Variants in SERINC5 observed in about 807,000 individuals in gnomAD.
SERINC5 encodes the protein chromosome 5 open reading frame 12.
A neutral mutation model predicts 63.1 loss-of-function variants in SERINC5; 41 were observed. That is an observed-to-expected ratio of 0.65 (90% CI 0.51 to 0.84). The LOEUF is 0.84. Ranked by LOEUF, SERINC5 falls within the 40% of genes least tolerant of loss-of-function variation. The pLI is 0.00. For synonymous variants in SERINC5, 222 were observed against 215.2 expected (o/e 1.03, Z -0.28); for missense variants, 523 against 573.0 (o/e 0.91, Z 0.89).
At chr5:80,235,846 C>A (rs1751663466) in intron 1 of SERINC5, among the ~76,000 whole-genome samples, 1 of 151,836 alleles carries the variant, frequency 6.6e-6, no homozygotes, top group Admixed American at 6.6e-5. Flanking sequence ...TGATCCCTAA[C>A]CTTTTAAATT....
In SERINC5 at chr5:80,229,907, C is replaced by T. The variant is rs955802784; in HGVS notation, c.27+25989G>A. On this transcript the variant is annotated intron_variant, in intron 1 of 11. Transcript: ENST00000507668. ...GAGAATGTTTTCAAGGCACTTAGAA[C>T]GTTAATTGTCAATATTATTCTCAGT... Among the ~76,000 whole-genome samples the T allele has an allele frequency of 5.3e-5, 8 of 152,148 alleles. No individual in the cohort carries two copies. In the South Asian group the frequency reaches 6.2e-4, roughly 12 times the overall value.
At chr5:80,162,965 G>A (rs763967489) in intron 7 of SERINC5, among the ~76,000 whole-genome samples, 27 of 151,748 alleles carry the variant, frequency 1.8e-4, no homozygotes, top group Non-Finnish European at 3.1e-4. Context: ...TGATTCTCCT[G>A]TCTCAGCCTC....
At chr5:80,169,667 G>A in intron 5 of SERINC5, 121 bp from the exon 6 acceptor site, 1 of 691,426 alleles carries the variant, frequency 1.4e-6, no homozygotes, top group Non-Finnish European at 2.5e-6. Context: ...CACAGGCACT[G>A]GTACCCAGCT....
chr5:80,159,975 A>G (rs57664241), intron 7 of SERINC5, among the ~76,000 whole-genome samples: 2,166 of 152,284 alleles, frequency 0.014, 57 homozygotes, highest in African/African-American at 0.05. Context: ...AAAGATAAGT[A>G]TTTCCTGAGA....
chr5:80,178,480 A>G lies in SERINC5; in HGVS notation c.196-416T>C, dbSNP rs567339365. ...CAGGCTCAGGTAATCTTCCTGCCTCAGCCTCCCAATTAGCTGGGACTACAG... is the reference window on the plus strand; with the variant it reads ...CAGGCTCAGGTAATCTTCCTGCCTCGGCCTCCCAATTAGCTGGGACTACAG... On this transcript the variant is annotated intron_variant, in intron 2 of 11. Transcript: ENST00000507668. Among the ~76,000 whole-genome samples, 36 of 148,642 alleles carry G rather than the reference A, an allele frequency of 2.4e-4. No homozygotes were observed. The South Asian group carries it at 2.8e-3, about 12-fold the overall frequency.
At chr5:80,198,677 A>C (rs1288799321) in intron 2 of SERINC5, 1 of 985,174 alleles carries the variant, frequency 1.0e-6, no homozygotes, top group Non-Finnish European at 1.2e-6. Context: ...CTACAAGGGG[A>C]CCTTTCAACA....
intron 2 of SERINC5, among the ~76,000 whole-genome samples, chr5:80,190,578 G>A (rs893589086): frequency 6.6e-6 from 1 of 152,170 alleles, no homozygotes; most frequent in Non-Finnish European, 1.5e-5. Flanking sequence ...GAATAAAACA[G>A]TTTAAAAGTT....
chr5:80,137,224 T>A (rs1037119224), downstream of SERINC5, among the ~76,000 whole-genome samples: 3 of 148,936 alleles, frequency 2.0e-5, no homozygotes, highest in South Asian at 6.4e-4. Flanking sequence ...ATCCCACTAA[T>A]GGGTATATAC....
Position 80,177,896 on chromosome 5 carries a change from T to C in SERINC5, c.364A>G (p.Ile122Val), listed in dbSNP as rs748353184. The change falls in exon 3 of 12, where the codon ATT becomes GTT. Residue 122 changes from isoleucine to valine, a missense_variant. Transcript: ENST00000507668. Reference protein sequence around the residue: ...INNSKSCRAHIHNGFWFFKLL... With the variant: ...INNSKSCRAHVHNGFWFFKLL... ...GACTAAAATACTTACCCATTGTGAA[T>C]ATGAGCTCTACAACTTTTGCTGTTG... is the stretch of plus-strand genomic sequence containing the variant. 1.9e-6 allele frequency: 3 copies of C among 1,608,670 alleles called. No homozygotes were observed. Among genetic ancestry groups the C allele is most frequent in the African/African-American group, 2.7e-5 (2 of 74,574 alleles).
At chr5:80,205,099 T>C (rs34001704) in intron 1 of SERINC5, among the ~76,000 whole-genome samples, 16,855 of 152,234 alleles carry the variant, frequency 0.11, 968 homozygotes, top group Middle Eastern at 0.14. Context: ...CACATGCCCG[T>C]GTCTGCACTG....
intron 1 of SERINC5, among the ~76,000 whole-genome samples, chr5:80,212,665 T>A (rs56252758): frequency 2.0e-5 from 1 of 50,200 alleles, no homozygotes; most frequent in Non-Finnish European, 4.0e-5. Flanking sequence ...AGTGGTGGGG[T>A]GGGGGGGGGG....
intron 1 of SERINC5, among the ~76,000 whole-genome samples, chr5:80,250,726 G>A (rs1039441009): frequency 2.6e-5 from 4 of 152,116 alleles, no homozygotes; most frequent in African/African-American, 2.4e-5. Flanking sequence ...TGCATTATAG[G>A]GGCATCAGTT....
chr5:80,121,475 T>A (rs928035497), intron 11 of SERINC5, among the ~76,000 whole-genome samples: 5 of 152,070 alleles, frequency 3.3e-5, no homozygotes, highest in African/African-American at 1.2e-4. Flanking sequence ...GCGTGAGGCA[T>A]CCACCCCCAT....
intron 1 of SERINC5, among the ~76,000 whole-genome samples, chr5:80,248,877 T>C (rs539894828): frequency 1.3e-5 from 2 of 152,300 alleles, no homozygotes; most frequent in Admixed American, 1.3e-4. Flanking sequence ...GACAGAAATA[T>C]ATTGTCAATG....
chr5:80,225,285 C>T (rs1214021741), intron 1 of SERINC5, among the ~76,000 whole-genome samples: 1 of 152,204 alleles, frequency 6.6e-6, no homozygotes, highest in Admixed American at 6.5e-5. Context: ...TTATCATCCA[C>T]CTCTATTATA....
At chr5:80,204,095 G>A (rs1750031291) in intron 1 of SERINC5, among the ~76,000 whole-genome samples, 1 of 152,174 alleles carries the variant, frequency 6.6e-6, no homozygotes, top group Non-Finnish European at 1.5e-5. Flanking sequence ...GACCCTTCCG[G>A]ACAGTGCCCT....
intron 1 of SERINC5, among the ~76,000 whole-genome samples, chr5:80,211,848 C>G (rs1349809762): frequency 2.6e-5 from 4 of 152,164 alleles, no homozygotes; most frequent in African/African-American, 9.7e-5. Context: ...TACCTTCATT[C>G]CACTTAGGAA....
At chr5:80,238,173 G>A (rs569958064) in intron 1 of SERINC5, among the ~76,000 whole-genome samples, 8 of 143,116 alleles carry the variant, frequency 5.6e-5, no homozygotes, top group South Asian at 2.3e-4. Context: ...ATTCCTCCCC[G>A]CCCCCCATCA....
At chr5:80,216,050 A>G (rs1750646967) in intron 1 of SERINC5, among the ~76,000 whole-genome samples, 1 of 152,194 alleles carries the variant, frequency 6.6e-6, no homozygotes, top group South Asian at 2.1e-4. Context: ...CACTTGATAC[A>G]TTTTAGCAGG....
Sources: gnomAD v4.1 joint callset for allele counts (sites outside exome capture counted in the v4.1 genomes callset) on GRCh38, gnomAD v4.1.1 for gene constraint, MANE v1.5 for transcripts, NCBI Gene and HGNC (gene_info 2026-07-23, HGNC 2026-07-21) for gene names.